STIM1: variants seen among roughly 807,000 people sequenced by gnomAD.
STIM1 encodes the protein stromal interaction molecule 1.
STIM1 carries 25 observed loss-of-function variants against 74.7 expected under a neutral mutation model. The ratio of observed to expected loss-of-function variants is 0.33; its 90% CI spans 0.24 to 0.47. The LOEUF is 0.47. Among genes scored for constraint, STIM1 ranks in the 20% least tolerant of loss-of-function variants. The pLI is 1.00. For synonymous variants in STIM1, 328 were observed against 348.8 expected, an observed-to-expected ratio of 0.94 and a Z score of 0.66; for missense variants, 728 against 920.8, an observed-to-expected ratio of 0.79 and a Z score of 2.71.
chr11:4,042,993 A>C (rs892768554), intron 3 of STIM1, among the ~76,000 whole-genome samples: 1 of 152,224 alleles, frequency 6.6e-6, no homozygotes, highest in African/African-American at 2.4e-5. Flanking sequence ...GTCTCAGAAT[A>C]GAACGAAATA....
intron 1 of STIM1, among the ~76,000 whole-genome samples, chr11:3,930,265 C>T (rs773653849): frequency 6.6e-6 from 1 of 152,176 alleles, no homozygotes; most frequent in African/African-American, 2.4e-5. Context: ...TAGATATTCT[C>T]ATTTTACAGA....
intron 1 of STIM1, among the ~76,000 whole-genome samples, chr11:3,859,604 C>G (rs1034174203): frequency 3.9e-5 from 6 of 152,182 alleles, no homozygotes; most frequent in African/African-American, 1.4e-4. Context: ...GGATAGGCAT[C>G]TAGGCAGTGT....
rs190236980 is a variant in STIM1 at position 3,918,635 on chromosome 11, C to G, written c.140-48917C>G. Reference sequence around the variant, plus strand: ...CCTGGGTATGATTTTGGCTTGGGTCCTATGCCCATCCTAAAGTAATCACTG... The same window carrying G: ...CCTGGGTATGATTTTGGCTTGGGTCGTATGCCCATCCTAAAGTAATCACTG... On this transcript the variant is annotated intron_variant, in intron 1 of 12. Coordinates refer to ENST00000526596, the MANE Select transcript of STIM1 (RefSeq NM_001382567.1). Among the ~76,000 whole-genome samples, 714 of 152,230 alleles carry G rather than the reference C, an allele frequency of 4.7e-3. 4 individuals carry two copies. The highest frequency in any genetic ancestry group is 0.016 in the African/African-American group (681 of 41,544).
rs1181189866 is a variant in STIM1, at chr11:3,857,021, GAT to G, written c.139+616_139+617del. Among the ~76,000 whole-genome samples, 3 of 147,416 alleles carry G rather than the reference GAT, an allele frequency of 2.0e-5. No individual in the cohort carries two copies. The East Asian group carries it at 6.3e-4, about 31-fold the overall frequency. ...AATGGCCTTTTCTTGACATAGACATGATATAATTCCTGGGACCACTTGTTGAC... is the reference window on the plus strand; with the variant it reads ...AATGGCCTTTTCTTGACATAGACATGATAATTCCTGGGACCACTTGTTGAC... On this transcript the variant is annotated intron_variant, in intron 1 of 12. Transcript: ENST00000526596.
At chr11:4,029,391 C>G (rs2094027888) in intron 3 of STIM1, among the ~76,000 whole-genome samples, 1 of 151,898 alleles carries the variant, frequency 6.6e-6, no homozygotes, top group Non-Finnish European at 1.5e-5. Context: ...AAAATTGCTT[C>G]CTTACTGGGA....
intron 1 of STIM1, among the ~76,000 whole-genome samples, chr11:3,902,515 C>T (rs2092374956): frequency 6.6e-6 from 1 of 152,190 alleles, no homozygotes; most frequent in African/African-American, 2.4e-5. Context: ...GAGCACGCAA[C>T]CTAGATTCCT....
At chr11:3,892,631 T>G (rs10458895) in intron 1 of STIM1, 888,676 of 1,605,158 alleles carry the variant, frequency 0.55, 248,943 homozygotes, top group South Asian at 0.69. Context: ...GATGAAGTTC[T>G]CATCATCAAA....
chr11:3,967,898 G>T (rs2093354623), intron 2 of STIM1, among the ~76,000 whole-genome samples: 1 of 152,198 alleles, frequency 6.6e-6, no homozygotes, highest in Admixed American at 6.5e-5. Context: ...TGCCTGGGCT[G>T]GCTGCCCCCT....
chr11:3,993,520 G>T (rs1025487827), intron 2 of STIM1, among the ~76,000 whole-genome samples: 1 of 152,118 alleles, frequency 6.6e-6, no homozygotes, highest in African/African-American at 2.4e-5. Context: ...GCCGGGCGTG[G>T]TGGCATATGC....
intron 1 of STIM1, among the ~76,000 whole-genome samples, chr11:3,887,595 G>A (rs1317748229): frequency 2.0e-5 from 3 of 152,198 alleles, no homozygotes; most frequent in Non-Finnish European, 4.4e-5. Flanking sequence ...GCCAGAAGAT[G>A]AAGCGGAGGT....
Position 3,982,207 on chromosome 11 carries a change from T to C in STIM1, c.270+14525T>C, listed in dbSNP as rs535325063. 2.0e-5 allele frequency among the ~76,000 whole-genome samples: 3 copies of C among 151,790 alleles called. No individual in the cohort carries two copies. The South Asian group carries it at 6.2e-4, about 32-fold the overall frequency. Reference sequence around the variant, plus strand: ...ATGCCCAGTTAATTTTTGTATTTTTTGTAGAGACGGGGTTTCGCCATGTTA... The same window carrying C: ...ATGCCCAGTTAATTTTTGTATTTTTCGTAGAGACGGGGTTTCGCCATGTTA... On this transcript the variant is annotated intron_variant, in intron 2 of 12. Coordinates refer to ENST00000526596, the MANE Select transcript of STIM1 (RefSeq NM_001382567.1).
intron 1 of STIM1, among the ~76,000 whole-genome samples, chr11:3,920,952 C>T (rs879337592): frequency 3.9e-5 from 6 of 151,968 alleles, no homozygotes; most frequent in East Asian, 1.9e-4. Flanking sequence ...CCCGCCACTA[C>T]GCATGGCTAA....
intron 2 of STIM1, among the ~76,000 whole-genome samples, chr11:4,020,956 T>A (rs2136005660): frequency 6.6e-6 from 1 of 152,260 alleles, no homozygotes; most frequent in Non-Finnish European, 1.5e-5. Flanking sequence ...CATTTTTTAA[T>A]CTGATTTTTT....
Position 4,082,206 on chromosome 11 carries a change from C to A in STIM1, c.992C>A (p.Ala331Glu). The A allele has an allele frequency of 6.2e-7, 1 of 1,614,042 alleles. No individual in the cohort carries two copies. The highest frequency in any genetic ancestry group is 8.5e-7 in the Non-Finnish European group (1 of 1,180,030). Residue 331 changes from alanine to glutamate, a missense_variant, in exon 8 of 13, where the codon GCA (alanine) becomes GAA (glutamate). Ala to Glu is a moderately radical substitution (Grantham distance 107). This residue lies in a region of STIM1 where 131 missense variants were observed against 235.9 expected (regional missense o/e 0.56). Transcript: ENST00000526596. ...LEQVREALRK[A>E]EKELESHSSW... ...TAGGTTCGGGAGGCCTTGAGGAAAG[C>A]AGAGAAGGAGCTAGAATCTCACAGC...
Position 3,974,386 on chromosome 11 carries a change from T to C in STIM1, c.270+6704T>C, listed in dbSNP as rs187005115. The stretch of plus-strand genomic sequence containing the variant: ...TCAGTAGGCATGTTATAGAAAAATA[T>C]ATAATCAGGCCAGTTGTGGTGGCTC... On this transcript the variant is annotated intron_variant, in intron 2 of 12. Transcript: ENST00000526596. 24 of 177,118 alleles carry C rather than the reference T, an allele frequency of 1.4e-4. 1 individual carries two copies. The East Asian group carries it at 2.8e-3, about 21-fold the overall frequency. The allele number at this position is 177,118 out of a possible 1,614,324, so 11.0% of individuals were successfully genotyped here.
intron 1 of STIM1, among the ~76,000 whole-genome samples, chr11:3,927,326 T>C (rs2092801531): frequency 6.6e-6 from 1 of 152,222 alleles, no homozygotes; most frequent in South Asian, 2.1e-4. Context: ...CTGTACATTT[T>C]CTACCTCTGG....
At chr11:3,900,630 G>A (rs1028123523) in intron 1 of STIM1, among the ~76,000 whole-genome samples, 2 of 152,194 alleles carry the variant, frequency 1.3e-5, no homozygotes, top group African/African-American at 4.8e-5. Flanking sequence ...CTATTGCCCA[G>A]GCTAGAGTGC....
chr11:3,874,700 A>C (rs1590514874), intron 1 of STIM1, among the ~76,000 whole-genome samples: 1 of 152,338 alleles, frequency 6.6e-6, no homozygotes, highest in Middle Eastern at 3.4e-3. Context: ...TCTGTCTGAT[A>C]TTTAAGTCAC....
rs543008784 is a variant in STIM1, at chr11:3,912,612, C to T, written c.140-54940C>T. On this transcript the variant is annotated intron_variant, in intron 1 of 12. Transcript: ENST00000526596. ...AACTCCTGACCTCAAGTGATCCACC[C>T]GCCTTGGCCTCCCAAAGTGTTGGGA... Among the ~76,000 whole-genome samples, 7 of 152,202 alleles carry T rather than the reference C, an allele frequency of 4.6e-5. No individual in the cohort carries two copies. The South Asian group carries it at 1.2e-3, about 27-fold the overall frequency.
Sources: gnomAD v4.1 joint callset for allele counts (sites outside exome capture counted in the v4.1 genomes callset) on GRCh38, gnomAD v4.1.1 for gene constraint, gnomAD v4.1.1 regional missense constraint, MANE v1.5 for transcripts, NCBI Gene and HGNC (gene_info 2026-07-23, HGNC 2026-07-21) for gene names.